Variants in MACROD2 observed in about 807,000 individuals in gnomAD.
MACROD2 encodes the protein mono-ADP ribosylhydrolase 2, also known as ADP-ribose glycohydrolase MACROD2.
Under a neutral mutation model 70.4 loss-of-function variants are expected in MACROD2, and 36 were observed. The observed-to-expected ratio is 0.51, with a 90% CI of 0.39 to 0.68. The LOEUF (loss-of-function observed/expected upper bound fraction) is 0.68, where lower values mean the gene tolerates loss of function less well. Among genes scored for constraint, MACROD2 ranks in the 30% least tolerant of loss-of-function variants. The pLI, the probability that MACROD2 is intolerant of heterozygous loss-of-function variation, is 0.00. For synonymous variants in MACROD2, 172 were observed against 178.8 expected (o/e 0.96, Z 0.30); for missense variants, 496 against 538.4 (o/e 0.92, Z 0.78).
chr20:14,978,673 T>A (rs992687635), intron 5 of MACROD2, among the ~76,000 whole-genome samples: 25 of 128,396 alleles, frequency 1.9e-4, no homozygotes, highest in Admixed American at 6.1e-4. Context: ...ATGATCCCTG[T>A]GGTCCATTTC....
At chr20:15,535,718 C>T (rs1175422921) in intron 8 of MACROD2, among the ~76,000 whole-genome samples, 5 of 151,950 alleles carry the variant, frequency 3.3e-5, no homozygotes, top group African/African-American at 4.8e-5. Flanking sequence ...TCCAATCCCG[C>T]GTCTCCCACC....
chr20:15,482,968 T>C, intron 7 of MACROD2, among the ~76,000 whole-genome samples: 1 of 152,196 alleles, frequency 6.6e-6, no homozygotes. Flanking sequence ...AGGATAAAAA[T>C]CCTTTATCAA....
chr20:15,523,046 A>G (rs542793251), intron 8 of MACROD2, among the ~76,000 whole-genome samples: 1 of 152,318 alleles, frequency 6.6e-6, no homozygotes, highest in Admixed American at 6.5e-5. Flanking sequence ...GTAGGCAGCT[A>G]GAGGGACTGG....
intron 5 of MACROD2, among the ~76,000 whole-genome samples, chr20:14,812,099 A>G (rs2072720736): frequency 6.6e-6 from 1 of 152,052 alleles, no homozygotes; most frequent in Admixed American, 6.6e-5. Flanking sequence ...AGGATTGTAA[A>G]TCATTCTACT....
chr20:14,123,301 C>T (rs543184536), intron 3 of MACROD2, among the ~76,000 whole-genome samples: 105 of 152,286 alleles, frequency 6.9e-4, no homozygotes, highest in Non-Finnish European at 1.2e-3. Flanking sequence ...TTAGTTACCT[C>T]TCCAATTTGC....
At chr20:15,663,241 T>A (rs1433911308) in intron 8 of MACROD2, among the ~76,000 whole-genome samples, 14 of 150,316 alleles carry the variant, frequency 9.3e-5, no homozygotes, top group Non-Finnish European at 1.8e-4. Context: ...GATTTTTTTT[T>A]TTTTTTTTTT....
At chr20:14,461,813 T>C (rs1241299569) in intron 3 of MACROD2, among the ~76,000 whole-genome samples, 1 of 152,036 alleles carries the variant, frequency 6.6e-6, no homozygotes, top group Admixed American at 6.6e-5. Context: ...GCTTCATCCA[T>C]GTCTCTACAA....
At chr20:15,055,238 C>A (rs1225866416) in intron 5 of MACROD2, among the ~76,000 whole-genome samples, 1 of 152,134 alleles carries the variant, frequency 6.6e-6, no homozygotes, top group Non-Finnish European at 1.5e-5. Flanking sequence ...GCATGAGCCA[C>A]CACACCTGGG....
chr20:14,185,211 A>G (rs917122098), intron 3 of MACROD2, among the ~76,000 whole-genome samples: 6 of 152,138 alleles, frequency 3.9e-5, no homozygotes, highest in Non-Finnish European at 8.8e-5. Context: ...TAACTTTAGT[A>G]TCTAGAAATC....
chr20:15,946,663 C>T (rs972107798), intron 12 of MACROD2, among the ~76,000 whole-genome samples: 9 of 152,172 alleles, frequency 5.9e-5, no homozygotes, highest in Admixed American at 3.3e-4. Context: ...CCACAAAGCT[C>T]AATGCAGGGG....
intron 8 of MACROD2, among the ~76,000 whole-genome samples, chr20:15,809,376 G>C (rs1181417081): frequency 6.6e-6 from 1 of 152,148 alleles, no homozygotes. Context: ...CTGAGTGTGA[G>C]TAATTTACAA....
At chr20:15,576,112 A>G (rs1042568899) in intron 8 of MACROD2, among the ~76,000 whole-genome samples, 1 of 151,926 alleles carries the variant, frequency 6.6e-6, no homozygotes, top group Non-Finnish European at 1.5e-5. Context: ...TATTTTTTTT[A>G]ATTTGTATGC....
At chr20:14,174,055 C>T (rs1047755188) in intron 3 of MACROD2, among the ~76,000 whole-genome samples, 2 of 152,056 alleles carry the variant, frequency 1.3e-5, no homozygotes, top group Admixed American at 6.5e-5. Flanking sequence ...TGTGAGGGTC[C>T]TTGGTTGTGT....
chr20:15,026,368 G>A (rs2075231718), intron 5 of MACROD2, among the ~76,000 whole-genome samples: 1 of 151,926 alleles, frequency 6.6e-6, no homozygotes, highest in African/African-American at 2.4e-5. Flanking sequence ...GGATTTCTAG[G>A]TATTCTCTTA....
At chr20:14,751,315 CTT>C (rs5840630) in intron 5 of MACROD2, among the ~76,000 whole-genome samples, 1 of 149,276 alleles carries the variant, frequency 6.7e-6, no homozygotes, top group African/African-American at 2.5e-5. Context: ...CAGTTCCTCC[CTT>C]TTTTTTTTGA....
At chr20:15,729,388 A>T (rs181970923) in intron 8 of MACROD2, among the ~76,000 whole-genome samples, 1 of 152,274 alleles carries the variant, frequency 6.6e-6, no homozygotes, top group East Asian at 1.9e-4. Context: ...AGTTCTGTAG[A>T]TGTCTCTTAG....
At chr20:14,789,460 ATTTTTTTTT>A (rs3045609) in intron 5 of MACROD2, among the ~76,000 whole-genome samples, 38 of 48,362 alleles carry the variant, frequency 7.9e-4, no homozygotes, top group Middle Eastern at 0.023. Flanking sequence ...GGTAGTGCAA[ATTTTTTTTT>A]TTTTTTTTTT....
intron 5 of MACROD2, among the ~76,000 whole-genome samples, chr20:14,782,232 C>A (rs2072311010): frequency 6.6e-6 from 1 of 151,922 alleles, no homozygotes; most frequent in South Asian, 2.1e-4. Flanking sequence ...CCTAAGATTT[C>A]TTCTTGGTGT....
Position 13,995,802 on chromosome 20 carries a change from G to C in MACROD2, c.39G>C (p.Glu13Asp). Residue 13 changes from glutamate (E) to aspartate (D), a missense_variant, in exon 1 of 18, where the codon GAG becomes GAC. Physicochemically the swap from Glu to Asp is conservative, Grantham distance 45. Transcript: ENST00000684519. The surrounding 1 kb of genome is among the most constrained non-coding windows in gnomAD (Gnocchi z 4.3). ...ACAAGAAGAAAAAGGTGTGGAGAGA[G>C]GAGAAAGGTAACCGGCCCGTCGAGT... ...PSNKKKKVWREEKERLLKMTL... is the reference protein window; with the variant it reads ...PSNKKKKVWRDEKERLLKMTL... 6.2e-7 allele frequency: 1 copy of C among 1,602,080 alleles called. No individual in the cohort carries two copies. The highest frequency in any genetic ancestry group is 8.5e-7 in the Non-Finnish European group (1 of 1,173,254).
Sources: gnomAD v4.1 joint callset for allele counts (sites outside exome capture counted in the v4.1 genomes callset) on GRCh38, gnomAD v4.1.1 for gene constraint, Gnocchi (gnomAD v3.1) non-coding constraint, MANE v1.5 for transcripts, NCBI Gene and HGNC (gene_info 2026-07-23, HGNC 2026-07-21) for gene names.